Variants in ITFG1 observed in about 807,000 individuals in gnomAD.
ITFG1 encodes integrin alpha FG-GAP repeat containing 1.
A neutral mutation model predicts 81.8 loss-of-function variants in ITFG1; 34 were observed. The observed-to-expected ratio is 0.42, with a 90% CI of 0.32 to 0.55. The LOEUF is 0.55. Ranked by LOEUF, ITFG1 falls within the 20% of genes least tolerant of loss-of-function variation. The probability of loss-of-function intolerance (pLI) is 0.17; values close to 1 mark genes in which losing one functional copy is unlikely to be tolerated. For missense variants in ITFG1, 672 were observed against 755.4 expected, an observed-to-expected ratio of 0.89 and a Z score of 1.29; for synonymous variants, 285 against 270.6, an observed-to-expected ratio of 1.05 and a Z score of -0.52.
chr16:47,259,205 T>G (rs1966176799), intron 11 of ITFG1, among the ~76,000 whole-genome samples: 1 of 152,254 alleles, frequency 6.6e-6, no homozygotes, highest in Non-Finnish European at 1.5e-5. Context: ...TTCATGAAGT[T>G]GGTCATTTAT....
At chr16:47,270,314 AC>A (rs1322124205) in intron 10 of ITFG1, among the ~76,000 whole-genome samples, 1 of 152,240 alleles carries the variant, frequency 6.6e-6, no homozygotes, top group Admixed American at 6.5e-5. Flanking sequence ...ATATCCAATA[AC>A]AAAGGACTTG....
At chr16:47,299,087 C>T (rs56819508) in intron 10 of ITFG1, among the ~76,000 whole-genome samples, 15,637 of 152,068 alleles carry the variant, frequency 0.1, 1,618 homozygotes, top group African/African-American at 0.27. Context: ...GAGTGAAGGG[C>T]GGTACCAGCA....
At position 47,342,454 on chromosome 16, in the gene ITFG1, G is replaced by GCCCA. The variant is rs1967796686; in HGVS notation, c.802+23330_802+23333dup. On this transcript the variant is annotated intron_variant, in intron 8 of 17. Transcript: ENST00000320640. ...CCCCTAAGTTCAGGAAGTTAAGGAT[G>GCCCA]CCCACTTTAAGCACTGCTATTCAAC... 2.6e-5 allele frequency among the ~76,000 whole-genome samples: 4 copies of GCCCA among 152,212 alleles called. No individual in the cohort carries two copies. The South Asian group carries it at 8.3e-4, about 32-fold the overall frequency.
intron 16 of ITFG1, among the ~76,000 whole-genome samples, chr16:47,160,670 T>C (rs1964789768): frequency 1.3e-5 from 2 of 152,192 alleles, no homozygotes; most frequent in African/African-American, 2.4e-5. Context: ...TTTATTTTCT[T>C]AAGCAGTTTG....
intron 6 of ITFG1, among the ~76,000 whole-genome samples, chr16:47,401,674 T>C (rs1315864247): frequency 6.6e-6 from 1 of 152,134 alleles, no homozygotes; most frequent in East Asian, 1.9e-4. Context: ...AACTATTAAA[T>C]GGAACAGATA....
At chr16:47,206,637 T>G (rs983997027) in intron 14 of ITFG1, among the ~76,000 whole-genome samples, 1 of 152,240 alleles carries the variant, frequency 6.6e-6, no homozygotes, top group Non-Finnish European at 1.5e-5. Flanking sequence ...AAATGGCCTT[T>G]TGTTTGTGGC....
At chr16:47,200,322 A>G (rs535424635) in intron 14 of ITFG1, among the ~76,000 whole-genome samples, 1 of 152,328 alleles carries the variant, frequency 6.6e-6, no homozygotes, top group African/African-American at 2.4e-5. Context: ...TGGCATTTCA[A>G]ATTCAGAGGG....
intron 14 of ITFG1, among the ~76,000 whole-genome samples, chr16:47,213,636 T>C (rs1166568707): frequency 6.6e-6 from 1 of 152,216 alleles, no homozygotes; most frequent in Non-Finnish European, 1.5e-5. Context: ...AAGGTTGAGC[T>C]GATTACTAAT....
intron 2 of ITFG1, among the ~76,000 whole-genome samples, chr16:47,458,734 G>C (rs1245119920): frequency 6.6e-6 from 1 of 151,802 alleles, no homozygotes; most frequent in Non-Finnish European, 1.5e-5. Context: ...CTGCAAAATA[G>C]GCCCCTCTTC....
chr16:47,433,025 A>G (rs1194255750), intron 5 of ITFG1, among the ~76,000 whole-genome samples: 2 of 152,362 alleles, frequency 1.3e-5, no homozygotes, highest in Admixed American at 6.5e-5. Flanking sequence ...GAGGTTGATC[A>G]CGTGGCTCTG....
intron 6 of ITFG1, among the ~76,000 whole-genome samples, chr16:47,382,776 C>G (rs1968412127): frequency 6.6e-6 from 1 of 152,116 alleles, no homozygotes; most frequent in Non-Finnish European, 1.5e-5. Context: ...ATGATAGGAA[C>G]CTGTTAACTG....
At position 47,323,461 on chromosome 16, in the gene ITFG1, GTATTATCAGATGTGGC is replaced by G. The variant is rs549500304; in HGVS notation, c.803-9654_803-9639del. On this transcript the variant is annotated intron_variant, in intron 8 of 17. Transcript: ENST00000320640. Reference sequence around the variant, plus strand: ...CAGAGTCCCCACCAGGAGGACTCTGGTATTATCAGATGTGGCTATTATCAGATGTGGCTGCTTGACT... The same window carrying G: ...CAGAGTCCCCACCAGGAGGACTCTGGTATTATCAGATGTGGCTGCTTGACT... 4.1e-3 allele frequency among the ~76,000 whole-genome samples: 617 copies of G among 152,202 alleles called. 3 individuals are homozygous for G. The highest frequency in any genetic ancestry group is 0.014 in the African/African-American group (585 of 41,524).
At chr16:47,187,991 AG>A (rs1280964035) in intron 14 of ITFG1, among the ~76,000 whole-genome samples, 3 of 152,142 alleles carry the variant, frequency 2.0e-5, no homozygotes, top group Non-Finnish European at 2.9e-5. Context: ...ACATTTATGC[AG>A]CCAAAAAACA....
intron 14 of ITFG1, among the ~76,000 whole-genome samples, chr16:47,184,750 A>G (rs944839918): frequency 6.6e-6 from 1 of 152,188 alleles, no homozygotes; most frequent in Admixed American, 6.5e-5. Context: ...CTAACATCAT[A>G]ATGACAGGAC....
intron 10 of ITFG1, among the ~76,000 whole-genome samples, chr16:47,284,820 C>T (rs1966863656): frequency 6.6e-6 from 1 of 152,136 alleles, no homozygotes; most frequent in South Asian, 2.1e-4. Flanking sequence ...AATAAGTATT[C>T]TTAAGTTTGT....
At chr16:47,158,680 T>C (rs747358850) in intron 17 of ITFG1, among the ~76,000 whole-genome samples, 193 bp downstream of exon 17, 2 of 152,204 alleles carry the variant, frequency 1.3e-5, no homozygotes, top group Non-Finnish European at 2.9e-5. Flanking sequence ...TATGAATTGA[T>C]AGGAGACATT....
At chr16:47,181,161 G>C (rs1360045966) in intron 14 of ITFG1, among the ~76,000 whole-genome samples, 1 of 150,954 alleles carries the variant, frequency 6.6e-6, no homozygotes, top group Non-Finnish European at 1.5e-5. Context: ...GCCCCATCTG[G>C]GATGTGAGGA....
intron 6 of ITFG1, 86 bp downstream of exon 6, chr16:47,428,718 T>G (rs1969054918): frequency 1.2e-6 from 1 of 815,478 alleles, no homozygotes; most frequent in Admixed American, 2.2e-5. Context: ...TTTACTTCAT[T>G]AGCAATTAAA....
At chr16:47,307,671 G>A (rs1967191654) in intron 10 of ITFG1, among the ~76,000 whole-genome samples, 1 of 152,054 alleles carries the variant, frequency 6.6e-6, no homozygotes, top group South Asian at 2.1e-4. Context: ...GATTCACAGG[G>A]TATATGTGCA....
Sources: gnomAD v4.1 joint callset for allele counts (sites outside exome capture counted in the v4.1 genomes callset) on GRCh38, gnomAD v4.1.1 for gene constraint, MANE v1.5 for transcripts, NCBI Gene and HGNC (gene_info 2026-07-23, HGNC 2026-07-21) for gene names.